The following ATG4B variants were observed in gnomAD, a reference collection of about 807,000 sequenced individuals.
The protein encoded by ATG4B is autophagy related 4B cysteine peptidase, also known as cysteine protease ATG4B.
ATG4B carries 29 observed loss-of-function variants against 56.6 expected under a neutral mutation model. That is an observed-to-expected ratio of 0.51 (90% CI 0.38 to 0.70). The LOEUF is 0.70. Among genes scored for constraint, ATG4B ranks in the 30% least tolerant of loss-of-function variants. ATG4B has a pLI of 0.00. For synonymous variants in ATG4B, 224 were observed against 206.1 expected, an observed-to-expected ratio of 1.09 and a Z score of -0.74; for missense variants, 461 against 515.5, an observed-to-expected ratio of 0.89 and a Z score of 1.02.
At chr2:241,656,443 A>G (rs1476996709) in intron 6 of ATG4B, among the ~76,000 whole-genome samples, 1 of 151,176 alleles carries the variant, frequency 6.6e-6, no homozygotes, top group East Asian at 1.9e-4. Context: ...CCCAGCCCCC[A>G]CCACACCCTT....
At position 241,668,333 on chromosome 2, in the gene ATG4B, ATGCCC is replaced by A. The variant is rs2068844392; in HGVS notation, c.811+115_811+119del. On this transcript the variant is annotated intron_variant, in intron 9 of 12. Coordinates refer to ENST00000404914, the MANE Select transcript of ATG4B (RefSeq NM_013325.5). The surrounding 1 kb of genome is among the most constrained non-coding windows in gnomAD (Gnocchi z 4.2). ...TTGAGGCCACTGGTGGAAAAGCAGC[ATGCCC>A]TGGGGTTCATTTTCAGCCTGGTCGC... The A allele has an allele frequency of 6.4e-6, 9 of 1,405,314 alleles. No individual in the cohort carries two copies. The South Asian group carries it at 9.9e-5, about 16-fold the overall frequency. The allele number at this position is 1,405,314 out of a possible 1,614,324, so 87.1% of individuals were successfully genotyped here. A position where few individuals can be genotyped will look rare whatever the true frequency, so the allele number is the denominator to read the frequency against.
chr2:241,653,046 C>T (rs1424237170), intron 3 of ATG4B, among the ~76,000 whole-genome samples: 2 of 152,240 alleles, frequency 1.3e-5, no homozygotes, highest in Non-Finnish European at 2.9e-5. Context: ...TTCTGGGCCC[C>T]AGGGAGTGGC....
chr2:241,665,543 C>G (rs1210773047), intron 7 of ATG4B, among the ~76,000 whole-genome samples: 1 of 152,160 alleles, frequency 6.6e-6, no homozygotes, highest in African/African-American at 2.4e-5. Flanking sequence ...GCTGACCATC[C>G]CACACGCTGG....
At chr2:241,649,946 G>A (rs955808029) in intron 1 of ATG4B, among the ~76,000 whole-genome samples, 3 of 151,990 alleles carry the variant, frequency 2.0e-5, no homozygotes, top group Non-Finnish European at 4.4e-5. Context: ...ACCACGCCTG[G>A]CTAATTGTTG....
Position 241,651,197 on chromosome 2 carries a change from A to G in ATG4B, c.113-67A>G, listed in dbSNP as rs1343120481. 2.6e-6 allele frequency: 4 copies of G among 1,556,432 alleles called. No homozygotes were observed. The highest frequency in any genetic ancestry group is 2.3e-5 in the East Asian group (1 of 43,254). On this transcript the variant is annotated intron_variant, in intron 2 of 12. Transcript: ENST00000404914. This position sits in a 1 kb window ranked among gnomAD's most constrained non-coding sequence, Gnocchi z 4.1. The stretch of plus-strand genomic sequence containing the variant: ...ATCACTGTTCTCTGCTAACTCTGCC[A>G]TAACTTGTGACTTGCAAACTTAAGG...
intron 7 of ATG4B, among the ~76,000 whole-genome samples, chr2:241,662,874 A>G: frequency 6.6e-6 from 1 of 151,992 alleles, no homozygotes; most frequent in Non-Finnish European, 1.5e-5. Context: ...TCACGCCTAT[A>G]ATCCCAACTT....
chr2:241,648,874 T>G (rs1053276691), intron 1 of ATG4B, among the ~76,000 whole-genome samples: 5 of 152,224 alleles, frequency 3.3e-5, no homozygotes, highest in Admixed American at 2.0e-4. Flanking sequence ...GGGAATTAGC[T>G]GCGCATACAA....
chr2:241,641,698 G>A (rs959287411), intron 1 of ATG4B, among the ~76,000 whole-genome samples: 1 of 152,192 alleles, frequency 6.6e-6, no homozygotes, highest in African/African-American at 2.4e-5. Flanking sequence ...GTGGGCTTTT[G>A]GGTCTACAGG....
chr2:241,645,537 G>A lies in ATG4B; in HGVS notation c.11-5473G>A, dbSNP rs531042605. 3.9e-5 allele frequency among the ~76,000 whole-genome samples: 6 copies of A among 152,274 alleles called. No individual in the cohort carries two copies. The South Asian group carries it at 8.3e-4, about 21-fold the overall frequency. On this transcript the variant is annotated intron_variant, in intron 1 of 12. Transcript: ENST00000404914. ...CCCTGAAAGAGTGGTTACTGCTCCC[G>A]TGCAGTTTAGAGCTTTTCCTGCACC...
At chr2:241,647,640 A>G (rs868576780) in intron 1 of ATG4B, among the ~76,000 whole-genome samples, 6 of 148,228 alleles carry the variant, frequency 4.0e-5, no homozygotes, top group East Asian at 4.0e-4. Context: ...AAAAAAAAAA[A>G]AAAGAAAAGA....
At position 241,672,497 on chromosome 2, in the gene ATG4B, C is replaced by T. The variant is rs562861412; in HGVS notation, c.*233C>T. The T allele has an allele frequency of 7.9e-5, 45 of 570,376 alleles. No homozygotes were observed. Among genetic ancestry groups the T allele is most frequent in the East Asian group, 2.9e-4 (10 of 34,256 alleles). The allele number at this position is 570,376 out of a possible 1,614,324, so 35.3% of individuals were successfully genotyped here. The stretch of plus-strand genomic sequence containing the variant: ...GGGCCTGTGCATCCGCACGCGGAGC[C>T]GTCTGTTAGGAGCTTCCAGAGTGTT... On this transcript the variant is annotated 3_prime_UTR_variant, in exon 13 of 13. Coordinates refer to ENST00000404914, the MANE Select transcript of ATG4B (RefSeq NM_013325.5).
intron 1 of ATG4B, among the ~76,000 whole-genome samples, chr2:241,641,381 G>T (rs1055332405): frequency 2.0e-5 from 3 of 151,872 alleles, no homozygotes; most frequent in Non-Finnish European, 4.4e-5. Context: ...AAACCCCGTC[G>T]CTACTAAAAA....
intron 1 of ATG4B, among the ~76,000 whole-genome samples, chr2:241,644,809 C>T (rs1000886136): frequency 3.3e-5 from 5 of 151,940 alleles, no homozygotes; most frequent in African/African-American, 7.3e-5. Context: ...ATTAGCCAGG[C>T]GTGGTGGCAC....
chr2:241,653,821 C>T (rs545716298), intron 4 of ATG4B, among the ~76,000 whole-genome samples: 8 of 151,958 alleles, frequency 5.3e-5, no homozygotes, highest in South Asian at 2.1e-4. Context: ...GGCGAGACCC[C>T]GTCTCACAAA....
intron 7 of ATG4B, among the ~76,000 whole-genome samples, chr2:241,665,436 A>G (rs1340050570): frequency 6.6e-6 from 1 of 152,160 alleles, no homozygotes; most frequent in African/African-American, 2.4e-5. Flanking sequence ...TGCTGTGTGT[A>G]TATAGTTGTG....
intron 7 of ATG4B, among the ~76,000 whole-genome samples, chr2:241,665,856 T>C (rs532752008): frequency 1.3e-5 from 2 of 152,332 alleles, no homozygotes; most frequent in African/African-American, 4.8e-5. Context: ...TAGTGTGCAG[T>C]GTGCTACCTG....
chr2:241,672,319 G>A lies in ATG4B; in HGVS notation c.*55G>A, dbSNP rs1392621284. On this transcript the variant is annotated 3_prime_UTR_variant, in exon 13 of 13. Transcript: ENST00000404914. ...AGAGCCTGGGGCTCCTGGTGCCGCT[G>A]CGTTTCATCCATCCCGCCCGCTCGC... 1.4e-6 allele frequency: 2 copies of A among 1,466,266 alleles called. No homozygotes were observed. Among genetic ancestry groups the A allele is most frequent in the South Asian group, 1.2e-5 (1 of 82,340 alleles). The allele number at this position is 1,466,266 out of a possible 1,614,324, so 90.8% of individuals were successfully genotyped here.
At position 241,668,399 on chromosome 2, in the gene ATG4B, T is replaced by A; in HGVS notation, c.812-141T>A. The A allele has an allele frequency of 4.3e-6, 6 of 1,385,032 alleles. No homozygotes were observed. Among genetic ancestry groups the A allele is most frequent in the Non-Finnish European group, 6.0e-6 (6 of 1,005,522 alleles). The allele number at this position is 1,385,032 out of a possible 1,614,324, so 85.8% of individuals were successfully genotyped here. A position where few individuals can be genotyped will look rare whatever the true frequency, so the allele number is the denominator to read the frequency against. On this transcript the variant is annotated intron_variant, in intron 9 of 12. Coordinates refer to ENST00000404914, the MANE Select transcript of ATG4B (RefSeq NM_013325.5). The surrounding 1 kb of genome is among the most constrained non-coding windows in gnomAD (Gnocchi z 4.2). ...CTGTGTGCCCCTTTCCCTGATGGTC[T>A]GGTGCCCTCGGCTCCCTCCCCACCT...
chr2:241,644,138 G>A (rs7420836), intron 1 of ATG4B, among the ~76,000 whole-genome samples: 22,070 of 151,938 alleles, frequency 0.15, 1,788 homozygotes, highest in Middle Eastern at 0.28. Flanking sequence ...CTGGAGCCCA[G>A]GAGTTTGAGA....
Sources: allele counts gnomAD v4.1 joint callset (sites outside exome capture counted in the v4.1 genomes callset), GRCh38; gene constraint gnomAD v4.1.1; non-coding constraint Gnocchi (gnomAD v3.1); transcripts MANE v1.5; gene names NCBI Gene and HGNC (gene_info 2026-07-23, HGNC 2026-07-21).